Variants in COL4A2 observed in about 807,000 individuals in gnomAD.
COL4A2 encodes the protein collagen alpha-2(IV) chain.
COL4A2 carries 99 observed loss-of-function variants against 200.2 expected under a neutral mutation model. The observed-to-expected ratio is 0.49, with a 90% confidence interval of 0.42 to 0.58. COL4A2 has a LOEUF of 0.58. Ranked by LOEUF, COL4A2 falls within the 20% of genes least tolerant of loss-of-function variation. The probability of loss-of-function intolerance (pLI) is 0.00; values close to 1 mark genes in which losing one functional copy is unlikely to be tolerated. For synonymous variants in COL4A2, 897 were observed against 900.6 expected (o/e 1.00, Z 0.07); for missense variants, 1,950 against 2,314.1 (o/e 0.84, Z 3.23).
intron 3 of COL4A2, among the ~76,000 whole-genome samples, chr13:110,348,445 T>C (rs1456438000): frequency 6.6e-6 from 1 of 152,244 alleles, no homozygotes; most frequent in East Asian, 1.9e-4. Context: ...TACCTTGCCC[T>C]GCTAATACCA....
rs559606891 is a variant in COL4A2 at position 110,317,096 on chromosome 13, TACAG to T, written c.99+8977_99+8980del. 3.2e-4 allele frequency among the ~76,000 whole-genome samples: 45 copies of T among 141,864 alleles called. No homozygotes were observed. The South Asian group carries it at 6.4e-3, about 20-fold the overall frequency. 93.1% of individuals were successfully genotyped at this position (141,864 alleles called of 152,430 possible). A position where few individuals can be genotyped will look rare whatever the true frequency, so the allele number is the denominator to read the frequency against. ...CACACACATGCACCCAGCACACACA[TACAG>T]ACACACACATGCACATATAGACACA... On this transcript the variant is annotated intron_variant, in intron 3 of 47. Transcript: ENST00000360467.
intron 40 of COL4A2, among the ~76,000 whole-genome samples, chr13:110,499,173 G>C (rs994864834): frequency 6.6e-6 from 1 of 152,208 alleles, no homozygotes; most frequent in Admixed American, 6.5e-5. Flanking sequence ...ATCTTCCTTC[G>C]CATGAGTTGC....
intron 3 of COL4A2, among the ~76,000 whole-genome samples, chr13:110,355,775 TGGGG>T (rs200746862): frequency 1.5e-3 from 56 of 36,676 alleles, no homozygotes; most frequent in Middle Eastern, 0.025. Flanking sequence ...CACCTGTGTG[TGGGG>T]GTGGAGGGCT....
chr13:110,482,119 A>T (rs7983977), intron 31 of COL4A2, among the ~76,000 whole-genome samples: 67,377 of 150,032 alleles, frequency 0.45, 15,625 homozygotes, highest in African/African-American at 0.54. Flanking sequence ...CATTGGTCTG[A>T]CTTTCTGCGG....
intron 15 of COL4A2, 110 bp from the exon 16 acceptor site, chr13:110,439,679 T>C: frequency 6.4e-7 from 1 of 1,554,512 alleles, no homozygotes; most frequent in South Asian, 1.2e-5. Context: ...ACTTGTTCAA[T>C]CTGTCCATCG....
At chr13:110,348,557 G>A (rs1249278810) in intron 3 of COL4A2, among the ~76,000 whole-genome samples, 23 of 152,154 alleles carry the variant, frequency 1.5e-4, no homozygotes, top group Non-Finnish European at 5.9e-5. Flanking sequence ...CCTTGTTCCC[G>A]AGTTGGCTTT....
rs372727377 is a variant in COL4A2 at position 110,485,808 on chromosome 13, C to T, written c.3179C>T (p.Thr1060Met). 6.8e-6 allele frequency: 11 copies of T among 1,613,602 alleles called. No individual in the cohort carries two copies. The highest frequency in any genetic ancestry group is 5.3e-5 in the African/African-American group (4 of 74,920). Reference protein sequence around the residue: ...FPGVAGPPGITGFPGFIGSRG... With the variant: ...FPGVAGPPGIMGFPGFIGSRG... ...GGGGTGGCTGGCCCCCCTGGAATTACGGGATTCCCAGGATTCATAGGAAGC... is the reference window on the plus strand; with the variant it reads ...GGGGTGGCTGGCCCCCCTGGAATTATGGGATTCCCAGGATTCATAGGAAGC... Residue 1060 changes from threonine (T) to methionine (M), a missense_variant, in exon 34 of 48, where the codon ACG becomes ATG. Physicochemically the swap from Thr to Met is moderately conservative, Grantham distance 81. Coordinates refer to ENST00000360467, the MANE Select transcript of COL4A2 (RefSeq NM_001846.4).
chr13:110,485,949 A>G, intron 34 of COL4A2, 113 bp downstream of exon 34: 3 of 1,495,192 alleles, frequency 2.0e-6, no homozygotes, highest in Non-Finnish European at 2.7e-6. Context: ...TGGCAGGTTC[A>G]GGGCAGCCTC....
chr13:110,467,666 G>A (rs1882298666), intron 27 of COL4A2, among the ~76,000 whole-genome samples: 1 of 152,214 alleles, frequency 6.6e-6, no homozygotes, highest in African/African-American at 2.4e-5. Flanking sequence ...TGGCGGTGCA[G>A]GCCTGGCTGG....
rs371334861 is a variant in COL4A2 at position 110,342,666 on chromosome 13, G to C, written c.100-14806G>C. Among the ~76,000 whole-genome samples the C allele has an allele frequency of 4.1e-4, 62 of 152,330 alleles. No homozygotes were observed. The South Asian group carries it at 0.011, about 27-fold the overall frequency. ...TTTAAATGAGGACCCTGCAGGGCAT[G>C]TGGGATGAGCATTCCTCACAAGACC... On this transcript the variant is annotated intron_variant, in intron 3 of 47. Transcript: ENST00000360467.
At chr13:110,359,742 G>A (rs960107356) in intron 4 of COL4A2, among the ~76,000 whole-genome samples, 8 of 152,272 alleles carry the variant, frequency 5.3e-5, no homozygotes, top group East Asian at 1.9e-4. Context: ...GGCACAGTTC[G>A]TGATAGGGAA....
intron 4 of COL4A2, among the ~76,000 whole-genome samples, chr13:110,387,255 T>TA (rs139018080): frequency 0.013 from 1,912 of 151,250 alleles, 43 homozygotes; most frequent in African/African-American, 0.044. Flanking sequence ...GTAATAATAA[T>TA]AAAAAAAAGG....
At chr13:110,446,657 C>T in intron 17 of COL4A2, 141 bp from the exon 18 acceptor site, 1 of 657,338 alleles carries the variant, frequency 1.5e-6, no homozygotes, top group Non-Finnish European at 2.6e-6. Context: ...GCCCCAGGCA[C>T]TGTCTGTGGT....
chr13:110,384,269 A>C (rs1307071940), intron 4 of COL4A2, among the ~76,000 whole-genome samples: 1 of 152,234 alleles, frequency 6.6e-6, no homozygotes, highest in Admixed American at 6.5e-5. Context: ...TTCTAGAAAT[A>C]GCTACCATCT....
At chr13:110,502,990 CAT>C in intron 41 of COL4A2, 129 bp from the exon 42 acceptor site, 1 of 843,846 alleles carries the variant, frequency 1.2e-6, no homozygotes, top group Non-Finnish European at 1.9e-6. Context: ...TTTTTAAAAA[CAT>C]AGACAAAGTC....
At chr13:110,460,404 G>C (rs1171613704) in intron 22 of COL4A2, among the ~76,000 whole-genome samples, 1 of 152,218 alleles carries the variant, frequency 6.6e-6, no homozygotes, top group African/African-American at 2.4e-5. Context: ...TCTGAATCAT[G>C]GCTGTCTAGC....
At position 110,508,788 on chromosome 13, in the gene COL4A2, G is replaced by A. The variant is rs1190461274; in HGVS notation, c.4881+567G>A. 1.3e-5 allele frequency among the ~76,000 whole-genome samples: 2 copies of A among 152,146 alleles called. No homozygotes were observed. Among genetic ancestry groups the A allele is most frequent in the African/African-American group, 2.4e-5 (1 of 41,436 alleles). Reference sequence around the variant, plus strand: ...AAGGCACCGCCCACCCTTCCGGATCGCCTTTGGGTATAAAATAGAGAACCC... The same window carrying A: ...AAGGCACCGCCCACCCTTCCGGATCACCTTTGGGTATAAAATAGAGAACCC... On this transcript the variant is annotated intron_variant, in intron 47 of 47. Transcript: ENST00000360467. The surrounding 1 kb of genome is among the most constrained non-coding windows in gnomAD (Gnocchi z 6.1).
chr13:110,452,727 CAA>C (rs1489085662), intron 20 of COL4A2, among the ~76,000 whole-genome samples: 1 of 152,088 alleles, frequency 6.6e-6, no homozygotes, highest in Non-Finnish European at 1.5e-5. Context: ...ATGAACCTGC[CAA>C]AGAGTCTGAG....
intron 4 of COL4A2, among the ~76,000 whole-genome samples, chr13:110,391,742 A>C (rs1272400150): frequency 1.3e-5 from 2 of 152,212 alleles, no homozygotes; most frequent in African/African-American, 4.8e-5. Context: ...AGTAATCTTT[A>C]GTATCTAGTC....
Sources: allele counts gnomAD v4.1 joint callset (sites outside exome capture counted in the v4.1 genomes callset), GRCh38; gene constraint gnomAD v4.1.1; non-coding constraint Gnocchi (gnomAD v3.1); transcripts MANE v1.5; gene names NCBI Gene and HGNC (gene_info 2026-07-23, HGNC 2026-07-21).